SLC24A2: variants seen among roughly 807,000 people sequenced by gnomAD.
The protein encoded by SLC24A2 is sodium/potassium/calcium exchanger 2.
In SLC24A2, 36 loss-of-function variants were observed where a neutral mutation model predicts 62.0. That is an observed-to-expected ratio of 0.58 (90% CI 0.44 to 0.77). SLC24A2 has a LOEUF of 0.77. Ranked by LOEUF, SLC24A2 falls within the 30% of genes least tolerant of loss-of-function variation. The pLI is 0.00. For missense variants in SLC24A2, 846 were observed against 817.9 expected (o/e 1.03, Z -0.42); for synonymous variants, 358 against 294.0 (o/e 1.22, Z -2.23).
At chr9:19,527,231 A>G (rs568359706) in intron 9 of SLC24A2, among the ~76,000 whole-genome samples, 5 of 152,224 alleles carry the variant, frequency 3.3e-5, no homozygotes, top group Non-Finnish European at 5.9e-5. Flanking sequence ...TATGTAGTTT[A>G]TAATAGAGAT....
At chr9:19,802,954 G>A in the SLC24A2 span, among the ~76,000 whole-genome samples, 2 of 152,112 alleles carry the variant, frequency 1.3e-5, no homozygotes, top group African/African-American at 4.8e-5. Context: ...AAGTCCTGGG[G>A]AGCTTCTTTG....
At chr9:20,307,355 G>T in the SLC24A2 span, among the ~76,000 whole-genome samples, 1 of 152,176 alleles carries the variant, frequency 6.6e-6, no homozygotes, top group South Asian at 2.1e-4. Context: ...AACTTGAAGA[G>T]AGAATAACTT....
the SLC24A2 span, among the ~76,000 whole-genome samples, chr9:20,261,636 C>T: frequency 6.6e-5 from 10 of 151,060 alleles, no homozygotes; most frequent in African/African-American, 2.4e-4. Flanking sequence ...AACCACAGTA[C>T]TATCATAACT....
chr9:20,256,992 T>A, the SLC24A2 span, among the ~76,000 whole-genome samples: 1 of 152,032 alleles, frequency 6.6e-6, no homozygotes, highest in East Asian at 1.9e-4. Context: ...ATTATTCTCT[T>A]TGCACAATTA....
chr9:20,305,068 A>G, the SLC24A2 span, among the ~76,000 whole-genome samples: 2 of 151,706 alleles, frequency 1.3e-5, no homozygotes, highest in African/African-American at 4.8e-5. Context: ...ATTTAAAGAC[A>G]TGCATGTTAA....
At chr9:19,832,861 C>A in the SLC24A2 span, among the ~76,000 whole-genome samples, 9 of 152,088 alleles carry the variant, frequency 5.9e-5, no homozygotes, top group Non-Finnish European at 1.3e-4. Flanking sequence ...GGCTAATATC[C>A]AGAATCTACA....
intron 2 of SLC24A2, among the ~76,000 whole-genome samples, chr9:19,704,040 T>C (rs947855554): frequency 6.6e-6 from 1 of 152,158 alleles, no homozygotes; most frequent in Non-Finnish European, 1.5e-5. Context: ...TTATATAAAA[T>C]CAACTGCATC....
the SLC24A2 span, among the ~76,000 whole-genome samples, chr9:19,899,431 A>T: frequency 1.3e-5 from 2 of 152,190 alleles, no homozygotes; most frequent in Non-Finnish European, 2.9e-5. Flanking sequence ...ATGCAGATTG[A>T]GGTGCTGGGG....
At chr9:20,264,846 G>T in the SLC24A2 span, among the ~76,000 whole-genome samples, 1 of 152,314 alleles carries the variant, frequency 6.6e-6, no homozygotes, top group South Asian at 2.1e-4. Context: ...ATAGAAGGTG[G>T]TATTAATGCC....
At chr9:19,959,588 T>C in the SLC24A2 span, among the ~76,000 whole-genome samples, 2 of 152,214 alleles carry the variant, frequency 1.3e-5, no homozygotes, top group African/African-American at 4.8e-5. Context: ...TTGATAAGTG[T>C]CTGGTGAATA....
the SLC24A2 span, among the ~76,000 whole-genome samples, chr9:20,130,553 G>A: frequency 6.6e-6 from 1 of 152,014 alleles, no homozygotes; most frequent in Non-Finnish European, 1.5e-5. Flanking sequence ...ATTAGCTGAA[G>A]CAGAATTAGG....
At chr9:19,775,446 G>A (rs1822817192) in intron 2 of SLC24A2, among the ~76,000 whole-genome samples, 1 of 152,130 alleles carries the variant, frequency 6.6e-6, no homozygotes. Flanking sequence ...AGCAATACAT[G>A]GTTTGGTGAG....
At chr9:19,590,600 A>AC (rs1347838919) in intron 5 of SLC24A2, among the ~76,000 whole-genome samples, 2 of 152,038 alleles carry the variant, frequency 1.3e-5, no homozygotes, top group African/African-American at 4.8e-5. Flanking sequence ...AGATCGTAGA[A>AC]CCTAGCTTAT....
chr9:19,922,432 T>G, the SLC24A2 span, among the ~76,000 whole-genome samples: 320 of 152,310 alleles, frequency 2.1e-3, 2 homozygotes, highest in African/African-American at 7.3e-3. Context: ...TCCTAGACAT[T>G]TAAATTTTTT....
chr9:19,802,313 T>G, the SLC24A2 span, among the ~76,000 whole-genome samples: 3 of 152,230 alleles, frequency 2.0e-5, no homozygotes, highest in Admixed American at 6.5e-5. Flanking sequence ...AATAGTTTGG[T>G]TTTTATTTGT....
chr9:19,991,558 C>G, the SLC24A2 span, among the ~76,000 whole-genome samples: 1 of 152,156 alleles, frequency 6.6e-6, no homozygotes, highest in African/African-American at 2.4e-5. Flanking sequence ...ATCACAAATA[C>G]TATCCATGGT....
At chr9:20,027,930 T>G in the SLC24A2 span, among the ~76,000 whole-genome samples, 1 of 152,156 alleles carries the variant, frequency 6.6e-6, no homozygotes, top group Non-Finnish European at 1.5e-5. Flanking sequence ...TAAATGGGCT[T>G]TAGGCCAATT....
the SLC24A2 span, among the ~76,000 whole-genome samples, chr9:20,134,095 T>C: frequency 6.6e-6 from 1 of 152,084 alleles, no homozygotes; most frequent in Non-Finnish European, 1.5e-5. Flanking sequence ...AAAACTATGA[T>C]ATCGATGAGA....
At chr9:20,103,811 C>T in the SLC24A2 span, among the ~76,000 whole-genome samples, 12 of 151,952 alleles carry the variant, frequency 7.9e-5, no homozygotes, top group East Asian at 1.9e-4. Flanking sequence ...TCCAAAGGAA[C>T]GCAGTTCCTC....
Sources: gnomAD v4.1 joint callset for allele counts (sites outside exome capture counted in the v4.1 genomes callset) on GRCh38, gnomAD v4.1.1 for gene constraint, MANE v1.5 for transcripts, NCBI Gene and HGNC (gene_info 2026-07-23, HGNC 2026-07-21) for gene names.